Variants in KCNQ1OT1 observed in about 807,000 individuals in gnomAD.
The protein encoded by KCNQ1OT1 is KCNQ1 opposite strand/antisense transcript 1.
chr11:2,662,635 G>A (rs566358701), exon 1 of KCNQ1OT1: 31 of 409,494 alleles, frequency 7.6e-5, no homozygotes, highest in African/African-American at 2.9e-4. Context: ...CCCGGTGCCC[G>A]GCCACGGTGT....
exon 1 of KCNQ1OT1, chr11:2,615,790 CT>C (rs1361330425): frequency 2.5e-6 from 1 of 397,640 alleles, no homozygotes; most frequent in Non-Finnish European, 4.4e-6. Context: ...CTTACTAGTA[CT>C]TTGTTAAATA....
chr11:2,674,652 A>G lies in KCNQ1OT1; in HGVS notation n.25343T>C. 2.5e-6 allele frequency: 1 copy of G among 398,584 alleles called. No homozygotes were observed. 24.7% of individuals were successfully genotyped at this position (398,584 alleles called of 1,614,324 possible). A position where few individuals can be genotyped will look rare whatever the true frequency, so the allele number is the denominator to read the frequency against. On this transcript the variant is annotated non_coding_transcript_exon_variant, in exon 1 of 1. Transcript: ENST00000597346. This position sits in a 1 kb window ranked among gnomAD's most constrained non-coding sequence, Gnocchi z 5.9. Reference sequence around the variant, plus strand: ...ACATGCCTTTGAATTGGAAAGCCAGAACTTTTTGCAAAATAATTTGAAAAG... The same window carrying G: ...ACATGCCTTTGAATTGGAAAGCCAGGACTTTTTGCAAAATAATTTGAAAAG...
Position 2,671,913 on chromosome 11 carries a change from C to G in KCNQ1OT1, n.28082G>C. On this transcript the variant is annotated non_coding_transcript_exon_variant, in exon 1 of 1. Coordinates refer to ENST00000597346, the Ensembl canonical transcript of KCNQ1OT1. The surrounding 1 kb of genome is among the most constrained non-coding windows in gnomAD (Gnocchi z 4.7). The stretch of plus-strand genomic sequence containing the variant: ...CCAGGCAGCCAGCCTGTGGGCCCCG[C>G]TATGCTTCCTCAGGCAGCTAGTCTC... 1 of 398,700 alleles carries G rather than the reference C, an allele frequency of 2.5e-6. No individual in the cohort carries two copies. The highest frequency in any genetic ancestry group is 3.6e-5 in the East Asian group (1 of 28,082). 24.7% of individuals were successfully genotyped at this position (398,700 alleles called of 1,614,324 possible). A position where few individuals can be genotyped will look rare whatever the true frequency, so the allele number is the denominator to read the frequency against.
At chr11:2,633,733 T>C (rs1411218234) in exon 1 of KCNQ1OT1, 1 of 398,502 alleles carries the variant, frequency 2.5e-6, no homozygotes, top group Non-Finnish European at 4.4e-6. Context: ...TATGTCTGTT[T>C]TATGCCCATT....
exon 1 of KCNQ1OT1, chr11:2,643,989 TGTAA>T (rs1254937046): frequency 1.3e-5 from 5 of 398,456 alleles, no homozygotes; most frequent in Admixed American, 8.8e-5. Context: ...GTTGTTCCCT[TGTAA>T]GTGTCTACAA....
chr11:2,666,851 T>G (rs1362913351), exon 1 of KCNQ1OT1: 1 of 398,574 alleles, frequency 2.5e-6, no homozygotes, highest in Non-Finnish European at 4.4e-6. Flanking sequence ...TCCAGAAGGA[T>G]GAGTGAGGGG....
At chr11:2,684,474 A>G in exon 1 of KCNQ1OT1, 1 of 398,620 alleles carries the variant, frequency 2.5e-6, no homozygotes. Flanking sequence ...ATGCTCCAGA[A>G]CTTTCTGGCT....
rs1298071016 is a variant in KCNQ1OT1, at chr11:2,678,956, G to A, written n.21039C>T. 2 of 398,318 alleles carry A rather than the reference G, an allele frequency of 5.0e-6. No individual in the cohort carries two copies. The highest frequency in any genetic ancestry group is 2.1e-5 in the African/African-American group (1 of 48,526). The allele number at this position is 398,318 out of a possible 1,614,324, so 24.7% of individuals were successfully genotyped here. A position where few individuals can be genotyped will look rare whatever the true frequency, so the allele number is the denominator to read the frequency against. ...AAACTGAATTTGCTAACTCAATAGAGAACAAAAGAGCAAATAGGCCTAATT... is the reference window on the plus strand; with the variant it reads ...AAACTGAATTTGCTAACTCAATAGAAAACAAAAGAGCAAATAGGCCTAATT... On this transcript the variant is annotated non_coding_transcript_exon_variant, in exon 1 of 1. Transcript: ENST00000597346. The surrounding 1 kb of genome is among the most constrained non-coding windows in gnomAD (Gnocchi z 4.9).
exon 1 of KCNQ1OT1, chr11:2,641,153 T>C (rs554851384): frequency 1.3e-5 from 5 of 398,544 alleles, no homozygotes; most frequent in Non-Finnish European, 2.2e-5. Context: ...ATTTTTAGTA[T>C]ACTGATATCT....
Position 2,613,610 on chromosome 11 carries a change from T to C in KCNQ1OT1, n.86385A>G, listed in dbSNP as rs1325521720. The C allele has an allele frequency of 7.5e-6, 3 of 398,488 alleles. No individual in the cohort carries two copies. The highest frequency in any genetic ancestry group is 1.3e-5 in the Non-Finnish European group (3 of 226,066). 24.7% of individuals were successfully genotyped at this position (398,488 alleles called of 1,614,324 possible). A position where few individuals can be genotyped will look rare whatever the true frequency, so the allele number is the denominator to read the frequency against. On this transcript the variant is annotated non_coding_transcript_exon_variant, in exon 1 of 1. Transcript: ENST00000597346. This position sits in a 1 kb window ranked among gnomAD's most constrained non-coding sequence, Gnocchi z 4.8. The stretch of plus-strand genomic sequence containing the variant: ...CACTTTTCAATTTTATATTTCTTTG[T>C]CCAGTTTTATCATTGCTTTTCAGGG...
rs562216427 is a variant in KCNQ1OT1 at position 2,651,510 on chromosome 11, C to T, written n.48485G>A. On this transcript the variant is annotated non_coding_transcript_exon_variant, in exon 1 of 1. Coordinates refer to ENST00000597346, the Ensembl canonical transcript of KCNQ1OT1. The surrounding 1 kb of genome is among the most constrained non-coding windows in gnomAD (Gnocchi z 6.1). ...ATTAAGAAGCTGTCAGTGTGAAGAA[C>T]GTGAATGCTAAGGGCATATGAGTGT... 1.3e-5 allele frequency: 5 copies of T among 398,648 alleles called. No homozygotes were observed. The highest frequency in any genetic ancestry group is 4.4e-5 in the Admixed American group (1 of 22,740). 24.7% of individuals were successfully genotyped at this position (398,648 alleles called of 1,614,324 possible). A position where few individuals can be genotyped will look rare whatever the true frequency, so the allele number is the denominator to read the frequency against.
chr11:2,665,861 G>A (rs186216134), exon 1 of KCNQ1OT1: 2 of 398,766 alleles, frequency 5.0e-6, no homozygotes, highest in African/African-American at 2.1e-5. Flanking sequence ...GAGGATCTGC[G>A]GCTCTGAACT....
At chr11:2,625,735 A>G (rs1403454751) in exon 1 of KCNQ1OT1, 1 of 397,096 alleles carries the variant, frequency 2.5e-6, no homozygotes, top group African/African-American at 2.1e-5. Flanking sequence ...ACGCCTGGCT[A>G]ATTTTTTGTA....
At position 2,627,051 on chromosome 11, in the gene KCNQ1OT1, G is replaced by T; in HGVS notation, n.72944C>A. ...TAACAATATTGGCCTTCCAATCCATGAACATAGGAGGTGTTTTCCCTTTAT... is the reference window on the plus strand; with the variant it reads ...TAACAATATTGGCCTTCCAATCCATTAACATAGGAGGTGTTTTCCCTTTAT... On this transcript the variant is annotated non_coding_transcript_exon_variant, in exon 1 of 1. Transcript: ENST00000597346. The surrounding 1 kb of genome is among the most constrained non-coding windows in gnomAD (Gnocchi z 4.9). 1 of 398,524 alleles carries T rather than the reference G, an allele frequency of 2.5e-6. No homozygotes were observed. Among genetic ancestry groups the T allele is most frequent in the South Asian group, 1.3e-4 (1 of 7,830 alleles). 24.7% of individuals were successfully genotyped at this position (398,524 alleles called of 1,614,324 possible).
chr11:2,610,399 A>G (rs1180219749), exon 1 of KCNQ1OT1: 1 of 398,338 alleles, frequency 2.5e-6, no homozygotes, highest in Admixed American at 4.4e-5. Flanking sequence ...GAGCAAGTAT[A>G]TATTTCTAGT....
rs1317729415 is a variant in KCNQ1OT1 at position 2,674,417 on chromosome 11, G to A, written n.25578C>T. The A allele has an allele frequency of 6.6e-5, 13 of 197,872 alleles. No homozygotes were observed. Among genetic ancestry groups the A allele is most frequent in the African/African-American group, 4.8e-5 (2 of 41,448 alleles). The allele number at this position is 197,872 out of a possible 1,614,324, so 12.3% of individuals were successfully genotyped here. A position where few individuals can be genotyped will look rare whatever the true frequency, so the allele number is the denominator to read the frequency against. ...CGTGCGTGTGTGTGTGCGCGCCCGC[G>A]CGCACACGACCACAGAGGCTGGGGG... On this transcript the variant is annotated non_coding_transcript_exon_variant, in exon 1 of 1. Coordinates refer to ENST00000597346, the Ensembl canonical transcript of KCNQ1OT1. This position sits in a 1 kb window ranked among gnomAD's most constrained non-coding sequence, Gnocchi z 5.9.
At chr11:2,633,944 C>G (rs1364753285) in exon 1 of KCNQ1OT1, 7 of 398,342 alleles carry the variant, frequency 1.8e-5, no homozygotes, top group African/African-American at 4.1e-5. Flanking sequence ...GGGGAAAATC[C>G]ACGTATAAAT....
Position 2,651,053 on chromosome 11 carries a change from C to A in KCNQ1OT1, n.48942G>T. 1 of 398,882 alleles carries A rather than the reference C, an allele frequency of 2.5e-6. No homozygotes were observed. Among genetic ancestry groups the A allele is most frequent in the Non-Finnish European group, 4.4e-6 (1 of 226,242 alleles). 24.7% of individuals were successfully genotyped at this position (398,882 alleles called of 1,614,324 possible). A position where few individuals can be genotyped will look rare whatever the true frequency, so the allele number is the denominator to read the frequency against. On this transcript the variant is annotated non_coding_transcript_exon_variant, in exon 1 of 1. Coordinates refer to ENST00000597346, the Ensembl canonical transcript of KCNQ1OT1. The surrounding 1 kb of genome is among the most constrained non-coding windows in gnomAD (Gnocchi z 6.1). ...GTTAAAACCACCACCATTTCTCTGC[C>A]TACATTGTTGTCCATACCTCATTAC...
chr11:2,684,174 C>T (rs1004595448), exon 1 of KCNQ1OT1: 3 of 398,520 alleles, frequency 7.5e-6, no homozygotes, highest in Middle Eastern at 1.2e-3. Flanking sequence ...GGAAGAGAAG[C>T]GCCCACTGGG....
Sources: gnomAD v4.1 joint callset for allele counts on GRCh38, gnomAD v4.1.1 for gene constraint, Gnocchi (gnomAD v3.1) non-coding constraint, MANE v1.5 for transcripts, NCBI Gene and HGNC (gene_info 2026-07-23, HGNC 2026-07-21) for gene names.